MARCHF4: variants seen among roughly 807,000 people sequenced by gnomAD.
MARCHF4 encodes the protein membrane associated ring-CH-type finger 4, also known as E3 ubiquitin-protein ligase MARCHF4.
MARCHF4 carries 14 observed loss-of-function variants against 43.9 expected under a neutral mutation model. The ratio of observed to expected loss-of-function variants is 0.32; its 90% CI spans 0.21 to 0.50. The LOEUF (loss-of-function observed/expected upper bound fraction) is 0.50, where lower values mean the gene tolerates loss of function less well. MARCHF4 is among the 20% of genes least tolerant of loss of function. MARCHF4 has a pLI of 0.98. For missense variants in MARCHF4, 468 were observed against 536.7 expected (o/e 0.87, Z 1.27); for synonymous variants, 226 against 213.3 (o/e 1.06, Z -0.52).
chr2:216,315,053 T>A (rs1414124141), intron 1 of MARCHF4, among the ~76,000 whole-genome samples: 2 of 152,190 alleles, frequency 1.3e-5, no homozygotes, highest in Non-Finnish European at 2.9e-5. Flanking sequence ...GTCAATATAT[T>A]ATTGTCCTTA....
At chr2:216,302,362 G>T (rs1691503999) in intron 1 of MARCHF4, among the ~76,000 whole-genome samples, 1 of 150,688 alleles carries the variant, frequency 6.6e-6, no homozygotes, top group Admixed American at 6.6e-5. Flanking sequence ...GGGACTACAG[G>T]CGCCTGCCAC....
intron 3 of MARCHF4, among the ~76,000 whole-genome samples, chr2:216,272,534 G>T (rs1424570782): frequency 6.6e-6 from 1 of 152,226 alleles, no homozygotes; most frequent in African/African-American, 2.4e-5. Context: ...ATAGTAGAAA[G>T]AGCCCTGGAA....
chr2:216,336,745 A>T (rs1384390733), intron 1 of MARCHF4, among the ~76,000 whole-genome samples: 1 of 112,822 alleles, frequency 8.9e-6, no homozygotes. Flanking sequence ...ATAGATTTAA[A>T]AAAAAAAAAA....
intron 1 of MARCHF4, among the ~76,000 whole-genome samples, chr2:216,352,931 G>A (rs901962903): frequency 4.9e-4 from 74 of 152,232 alleles, no homozygotes; most frequent in African/African-American, 1.6e-3. Flanking sequence ...TGCGGTTCTG[G>A]CACAAAGCAG....
At position 216,369,931 on chromosome 2, in the gene MARCHF4, C is replaced by A; in HGVS notation, c.330G>T (p.Leu110Phe). The A allele has an allele frequency of 6.2e-7, 1 of 1,607,844 alleles. No individual in the cohort carries two copies. The highest frequency in any genetic ancestry group is 8.5e-7 in the Non-Finnish European group (1 of 1,176,802). The change falls in exon 1 of 4, where the codon TTG becomes TTT. Residue 110 changes from leucine to phenylalanine, a missense_variant. By Grantham distance (22) the Leu-to-Phe change is conservative (BLOSUM62 0). Transcript: ENST00000273067. ...EPPPVPPPPP[L>F]PPSSVEDDWG... ...AGTCATCTTCCACAGAAGAAGGTGGCAAGGGGGGTGGAGGTGGCACAGGAG... is the reference window on the plus strand; with the variant it reads ...AGTCATCTTCCACAGAAGAAGGTGGAAAGGGGGGTGGAGGTGGCACAGGAG...
At chr2:216,291,659 C>T (rs1213344263) in intron 1 of MARCHF4, among the ~76,000 whole-genome samples, 1 of 152,166 alleles carries the variant, frequency 6.6e-6, no homozygotes, top group Admixed American at 6.5e-5. Flanking sequence ...TACCTTCTCA[C>T]CCACTTCAAA....
chr2:216,311,732 T>C (rs1691690360), intron 1 of MARCHF4, among the ~76,000 whole-genome samples: 1 of 152,128 alleles, frequency 6.6e-6, no homozygotes, highest in South Asian at 2.1e-4. Flanking sequence ...TGCATAAGAG[T>C]AAGGACTTCT....
intron 1 of MARCHF4, among the ~76,000 whole-genome samples, chr2:216,362,135 G>T (rs145951669): frequency 0.01 from 1,589 of 152,288 alleles, 12 homozygotes; most frequent in Middle Eastern, 0.017. Context: ...GGAAATGCAT[G>T]CTGGCCAAAT....
chr2:216,291,714 AT>A (rs2105945148), intron 1 of MARCHF4, among the ~76,000 whole-genome samples: 1 of 152,158 alleles, frequency 6.6e-6, no homozygotes, highest in African/African-American at 2.4e-5. Flanking sequence ...TCTCTGTAAC[AT>A]TTTCTTATTA....
At chr2:216,273,762 T>C (rs897433264) in intron 3 of MARCHF4, among the ~76,000 whole-genome samples, 1 of 152,232 alleles carries the variant, frequency 6.6e-6, no homozygotes, top group Non-Finnish European at 1.5e-5. Context: ...TCCGCCTTCG[T>C]GCAGCAAGAA....
intron 1 of MARCHF4, among the ~76,000 whole-genome samples, chr2:216,340,980 C>A (rs966772265): frequency 1.3e-5 from 2 of 152,118 alleles, no homozygotes; most frequent in Non-Finnish European, 2.9e-5. Flanking sequence ...GTTAAATGTC[C>A]AGGTTGTGAA....
intron 1 of MARCHF4, among the ~76,000 whole-genome samples, chr2:216,289,262 A>G (rs1691269489): frequency 8.2e-6 from 1 of 122,314 alleles, no homozygotes; most frequent in Non-Finnish European, 1.6e-5. Flanking sequence ...TGCTGCCCAT[A>G]GAGACTCAAA....
chr2:216,264,098 C>T (rs191174515), intron 3 of MARCHF4, among the ~76,000 whole-genome samples: 15 of 152,250 alleles, frequency 9.9e-5, no homozygotes, highest in African/African-American at 2.6e-4. Flanking sequence ...TTGCAAATCT[C>T]GGAGACCAGA....
chr2:216,365,013 A>C (rs1228085522), intron 1 of MARCHF4, among the ~76,000 whole-genome samples: 2 of 152,206 alleles, frequency 1.3e-5, no homozygotes, highest in Admixed American at 1.3e-4. Flanking sequence ...AGGGCCTGTA[A>C]ATGTTAGGGA....
In MARCHF4 at chr2:216,369,980, C is replaced by A. The variant is rs764811796; in HGVS notation, c.281G>T (p.Arg94Leu). Reference protein sequence around the residue: ...AGGWAGWRGPREVVGREPPPV... With the variant: ...AGGWAGWRGPLEVVGREPPPV... ...AGGGGGCTCCCTGCCCACCACTTCT[C>A]GGGGGCCCCTCCAGCCTGCCCACCC... The change falls in exon 1 of 4, where the codon CGA becomes CTA. Residue 94 changes from arginine (R) to leucine (L), a missense_variant. By Grantham distance (102) the Arg-to-Leu change is moderately radical (BLOSUM62 -2). This residue lies in a region of MARCHF4 where 190 missense variants were observed against 158.5 expected (regional missense o/e 1.20). Transcript: ENST00000273067. 6.4e-7 allele frequency: 1 copy of A among 1,552,924 alleles called. No homozygotes were observed. The highest frequency in any genetic ancestry group is 1.4e-5 in the African/African-American group (1 of 73,558).
intron 1 of MARCHF4, among the ~76,000 whole-genome samples, chr2:216,354,943 C>G (rs939328096): frequency 6.5e-5 from 9 of 139,424 alleles, no homozygotes; most frequent in Non-Finnish European, 7.6e-5. Context: ...TTCTTTCTTT[C>G]TTTCTTTCTT....
At chr2:216,322,038 T>C (rs1574476758) in intron 1 of MARCHF4, among the ~76,000 whole-genome samples, 1 of 152,182 alleles carries the variant, frequency 6.6e-6, no homozygotes, top group Non-Finnish European at 1.5e-5. Context: ...GAAATGGCTG[T>C]GAAATGAGGA....
intron 3 of MARCHF4, among the ~76,000 whole-genome samples, chr2:216,262,654 T>C (rs1192664492): frequency 1.3e-5 from 2 of 151,924 alleles, no homozygotes; most frequent in East Asian, 3.9e-4. Flanking sequence ...ACTATTTGAT[T>C]GGGGCTGGAG....
chr2:216,329,412 C>T (rs1234465769), intron 1 of MARCHF4, among the ~76,000 whole-genome samples: 1 of 151,518 alleles, frequency 6.6e-6, no homozygotes, highest in Admixed American at 6.6e-5. Context: ...ACAAAAAACA[C>T]CCTGAGGTAG....
Sources: gnomAD v4.1 joint callset for allele counts (sites outside exome capture counted in the v4.1 genomes callset) on GRCh38, gnomAD v4.1.1 for gene constraint, gnomAD v4.1.1 regional missense constraint, MANE v1.5 for transcripts, NCBI Gene and HGNC (gene_info 2026-07-23, HGNC 2026-07-21) for gene names.